The following CRPPA variants were observed in gnomAD, a reference collection of about 807,000 sequenced individuals.
CRPPA encodes CDP-L-ribitol pyrophosphorylase A.
Under a neutral mutation model 52.0 loss-of-function variants are expected in CRPPA, and 43 were observed. That is an observed-to-expected ratio of 0.83 (90% CI 0.65 to 1.07). CRPPA has a LOEUF of 1.07. CRPPA is among the 50% of genes least tolerant of loss of function. The pLI is 0.00. For missense variants in CRPPA, 629 were observed against 551.7 expected (o/e 1.14, Z -1.40); for synonymous variants, 250 against 203.5 (o/e 1.23, Z -1.94).
Position 16,216,206 on chromosome 7 carries a change from T to C in CRPPA, c.1120-9A>G. 2 of 1,537,104 alleles carry C rather than the reference T, an allele frequency of 1.3e-6. No individual in the cohort carries two copies. Among genetic ancestry groups the C allele is most frequent in the South Asian group, 1.2e-5 (1 of 83,710 alleles). ...AAATCAAGAAAATGAACCTGCAAAA[T>C]ATAAAAGACAGTATTTAGAATATCA... On this transcript the variant is annotated splice_polypyrimidine_tract_variant and intron_variant, in intron 8 of 9. Transcript: ENST00000407010.
At position 16,230,624 on chromosome 7, in the gene CRPPA, C is replaced by T. The variant is rs114713467; in HGVS notation, c.1120-14427G>A. Among the ~76,000 whole-genome samples, 661 of 152,268 alleles carry T rather than the reference C, an allele frequency of 4.3e-3. 3 individuals carry two copies. The highest frequency in any genetic ancestry group is 0.016 in the African/African-American group (645 of 41,560). On this transcript the variant is annotated intron_variant, in intron 8 of 9. Coordinates refer to ENST00000407010, the MANE Select transcript of CRPPA (RefSeq NM_001101426.4). The stretch of plus-strand genomic sequence containing the variant: ...GTTTTGAATTCTTTGTCAGAAAGCT[C>T]ACATGTCTCCATTTCTTTAGGGTCA...
chr7:16,398,674 G>A (rs546838291), intron 2 of CRPPA, among the ~76,000 whole-genome samples: 7 of 152,216 alleles, frequency 4.6e-5, no homozygotes, highest in Admixed American at 1.3e-4. Context: ...TTTGTGACAC[G>A]TGACATGTGA....
At chr7:16,224,939 G>T (rs917245155) in intron 8 of CRPPA, among the ~76,000 whole-genome samples, 2 of 152,042 alleles carry the variant, frequency 1.3e-5, no homozygotes, top group Admixed American at 6.6e-5. Flanking sequence ...TAATTCTGAT[G>T]AATAGAAACT....
chr7:16,337,148 A>G (rs1364668627), intron 3 of CRPPA, among the ~76,000 whole-genome samples: 1 of 152,156 alleles, frequency 6.6e-6, no homozygotes, highest in African/African-American at 2.4e-5. Flanking sequence ...TGTAGAGAAC[A>G]TTCGGTCCAA....
intron 9 of CRPPA, among the ~76,000 whole-genome samples, chr7:16,145,841 C>G (rs1166429862): frequency 6.6e-6 from 1 of 151,906 alleles, no homozygotes; most frequent in Non-Finnish European, 1.5e-5. Flanking sequence ...TCAAATTAAG[C>G]AGCATATTCA....
Position 16,315,505 on chromosome 7 carries a change from T to C in CRPPA, c.685-6878A>G, listed in dbSNP as rs568644128. ...GCCTCTCCCCAGAGGATGACTAGAGTGGTATGGAGTTGAGTGGGAAAGGAT... is the reference window on the plus strand; with the variant it reads ...GCCTCTCCCCAGAGGATGACTAGAGCGGTATGGAGTTGAGTGGGAAAGGAT... On this transcript the variant is annotated intron_variant, in intron 3 of 9. Transcript: ENST00000407010. Among the ~76,000 whole-genome samples, 22 of 152,040 alleles carry C rather than the reference T, an allele frequency of 1.4e-4. 1 individual carries two copies. Among genetic ancestry groups the C allele is most frequent in the African/African-American group, 5.3e-4 (22 of 41,480 alleles).
intron 9 of CRPPA, among the ~76,000 whole-genome samples, chr7:16,100,849 T>C (rs961686485): frequency 6.6e-6 from 1 of 152,312 alleles, no homozygotes; most frequent in Non-Finnish European, 1.5e-5. Flanking sequence ...TTATTGAGTG[T>C]TTTTAGCATG....
chr7:16,241,946 CTTT>C (rs71549979), intron 8 of CRPPA, among the ~76,000 whole-genome samples: 25 of 55,396 alleles, frequency 4.5e-4, no homozygotes, highest in African/African-American at 1.4e-3. Context: ...AAAATCTATT[CTTT>C]TTTTTTTTTT....
intron 9 of CRPPA, among the ~76,000 whole-genome samples, chr7:16,140,213 T>C (rs1782841560): frequency 6.6e-6 from 1 of 152,124 alleles, no homozygotes; most frequent in Non-Finnish European, 1.5e-5. Flanking sequence ...AGTGGTGTGA[T>C]CTCAGTTCAC....
At chr7:16,152,465 A>G (rs1019727240) in intron 9 of CRPPA, among the ~76,000 whole-genome samples, 2 of 151,994 alleles carry the variant, frequency 1.3e-5, no homozygotes, top group Non-Finnish European at 2.9e-5. Context: ...TGTTGGACGA[A>G]TACTTAATTT....
At chr7:16,253,862 C>T (rs1036519724) in intron 8 of CRPPA, among the ~76,000 whole-genome samples, 2 of 151,960 alleles carry the variant, frequency 1.3e-5, no homozygotes, top group South Asian at 2.1e-4. Flanking sequence ...AATATCCGGA[C>T]TCTACCAAGA....
At chr7:16,381,421 A>G (rs1015687076) in intron 2 of CRPPA, among the ~76,000 whole-genome samples, 6 of 152,050 alleles carry the variant, frequency 3.9e-5, no homozygotes, top group African/African-American at 1.4e-4. Flanking sequence ...CTATGTGGTC[A>G]ATTTTGGAAT....
At chr7:16,201,868 T>G (rs2128393766) in intron 9 of CRPPA, among the ~76,000 whole-genome samples, 1 of 152,316 alleles carries the variant, frequency 6.6e-6, no homozygotes, top group South Asian at 2.1e-4. Context: ...ATTCTTTTAC[T>G]TCTCTTTCAT....
chr7:16,202,440 A>G (rs1454497613), intron 9 of CRPPA, among the ~76,000 whole-genome samples: 1 of 152,204 alleles, frequency 6.6e-6, no homozygotes, highest in Non-Finnish European at 1.5e-5. Context: ...ATATTTGCAC[A>G]TTACATACTG....
At chr7:16,284,213 A>T (rs1403863825) in intron 5 of CRPPA, among the ~76,000 whole-genome samples, 1 of 152,098 alleles carries the variant, frequency 6.6e-6, no homozygotes, top group East Asian at 1.9e-4. Context: ...ATTGAATAAG[A>T]AGTGACCTCT....
chr7:16,184,210 G>A (rs993372260), intron 9 of CRPPA, among the ~76,000 whole-genome samples: 7 of 151,960 alleles, frequency 4.6e-5, no homozygotes, highest in Non-Finnish European at 1.0e-4. Context: ...CAAAGTGCTG[G>A]GATTACAGGC....
chr7:16,400,390 T>C (rs1475246849), intron 2 of CRPPA, among the ~76,000 whole-genome samples: 1 of 152,104 alleles, frequency 6.6e-6, no homozygotes, highest in East Asian at 1.9e-4. Context: ...ACTGACCTGG[T>C]TGACAGGCCT....
intron 9 of CRPPA, among the ~76,000 whole-genome samples, chr7:16,156,383 C>G (rs943558333): frequency 5.9e-5 from 9 of 152,168 alleles, no homozygotes; most frequent in Non-Finnish European, 1.3e-4. Flanking sequence ...AAAGGGTTAA[C>G]GTCTTTTCTG....
rs1282670367 is a variant in CRPPA at position 16,088,410 on chromosome 7, CTCTTTTTTTTTT to C, written c.*3273_*3284del. 9.2e-6 allele frequency: 1 copy of C among 108,846 alleles called. No homozygotes were observed. Among genetic ancestry groups the C allele is most frequent in the East Asian group, 2.8e-4 (1 of 3,590 alleles). The allele number at this position is 108,846 out of a possible 1,614,324, so 6.7% of individuals were successfully genotyped here. A position where few individuals can be genotyped will look rare whatever the true frequency, so the allele number is the denominator to read the frequency against. ...TAACTGTAAAGTTACCTCTGGATCT[CTCTTTTTTTTTT>C]TTTTTTTTTTTTTGAGACGGAGTCT... On this transcript the variant is annotated 3_prime_UTR_variant, in exon 10 of 10. Coordinates refer to ENST00000407010, the MANE Select transcript of CRPPA (RefSeq NM_001101426.4).
Sources: gnomAD v4.1 joint callset for allele counts (sites outside exome capture counted in the v4.1 genomes callset) on GRCh38, gnomAD v4.1.1 for gene constraint, MANE v1.5 for transcripts, NCBI Gene and HGNC (gene_info 2026-07-23, HGNC 2026-07-21) for gene names.